Variants in DECR1 observed in about 807,000 individuals in gnomAD.
DECR1 encodes 2,4-dienoyl-CoA reductase 1.
In DECR1, 44 loss-of-function variants were observed where a neutral mutation model predicts 38.8. The ratio of observed to expected loss-of-function variants is 1.13; its 90% CI spans 0.89 to 1.46. The LOEUF (loss-of-function observed/expected upper bound fraction) is 1.46. Among genes scored for constraint, DECR1 ranks in the 40% most tolerant of loss-of-function variants. The pLI is 0.00. For synonymous variants in DECR1, 148 were observed against 135.2 expected (o/e 1.09, Z -0.66); for missense variants, 428 against 405.5 (o/e 1.06, Z -0.48).
chr8:90,004,962 A>G (rs1199573025), intron 1 of DECR1, among the ~76,000 whole-genome samples: 1 of 152,228 alleles, frequency 6.6e-6, no homozygotes, highest in Admixed American at 6.5e-5. Flanking sequence ...GCAGATGTGT[A>G]TTATAATGCA....
intron 8 of DECR1, among the ~76,000 whole-genome samples, chr8:90,050,136 A>C (rs975497281): frequency 6.6e-6 from 1 of 152,218 alleles, no homozygotes; most frequent in Non-Finnish European, 1.5e-5. Context: ...TCATGACTAA[A>C]ACACCAAAAG....
chr8:90,044,899 T>C lies in DECR1; in HGVS notation c.789T>C (p.Ile263=). The C allele has an allele frequency of 6.2e-7, 1 of 1,613,472 alleles. No individual in the cohort carries two copies. The highest frequency in any genetic ancestry group is 8.5e-7 in the Non-Finnish European group (1 of 1,179,564). ...DPTGTFEKEM[I]GRIPCGRLGT... ...CTGGAACATTTGAGAAAGAAATGATTGGCAGAATTCCCTGTGGTCGCCTGG... is the reference window on the plus strand; with the variant it reads ...CTGGAACATTTGAGAAAGAAATGATCGGCAGAATTCCCTGTGGTCGCCTGG... Residue 263 remains isoleucine, a synonymous_variant, in exon 8 of 10, where the codon ATT becomes ATC. Transcript: ENST00000220764.
chr8:90,021,360 GA>G (rs1312972631), intron 5 of DECR1, among the ~76,000 whole-genome samples: 4 of 152,160 alleles, frequency 2.6e-5, no homozygotes, highest in Admixed American at 2.0e-4. Context: ...GGAGAAAGAG[GA>G]GGGAAAGGAC....
intron 5 of DECR1, among the ~76,000 whole-genome samples, chr8:90,028,198 AG>A (rs1303127274): frequency 6.6e-6 from 1 of 152,140 alleles, no homozygotes; most frequent in African/African-American, 2.4e-5. Context: ...ATCCAACAAA[AG>A]CCTCTTGTGC....
intron 5 of DECR1, among the ~76,000 whole-genome samples, chr8:90,034,627 T>A (rs982381918): frequency 3.3e-5 from 5 of 152,172 alleles, no homozygotes; most frequent in African/African-American, 1.2e-4. Flanking sequence ...AATTTTTGTA[T>A]TTTTAGTACA....
At chr8:90,005,144 T>C in intron 1 of DECR1, 1 of 335,222 alleles carries the variant, frequency 3.0e-6, no homozygotes, top group Non-Finnish European at 5.9e-6. Context: ...TTTATAAAAA[T>C]TCAAGTGGTT....
At chr8:90,027,171 T>A (rs1813369052) in intron 5 of DECR1, among the ~76,000 whole-genome samples, 1 of 152,210 alleles carries the variant, frequency 6.6e-6, no homozygotes, top group African/African-American at 2.4e-5. Flanking sequence ...ATAAGTGAGA[T>A]GTGGTACTGA....
At chr8:90,004,116 A>G (rs553570668) in intron 1 of DECR1, among the ~76,000 whole-genome samples, 1 of 152,264 alleles carries the variant, frequency 6.6e-6, no homozygotes, top group Non-Finnish European at 1.5e-5. Flanking sequence ...TATCAAGAGT[A>G]ATAACTATCC....
At chr8:90,015,813 C>T (rs1272509415) in intron 1 of DECR1, 2 of 303,056 alleles carry the variant, frequency 6.6e-6, no homozygotes, top group Non-Finnish European at 1.3e-5. Context: ...AGAGAAGGCT[C>T]TGGAGCCTGT....
chr8:90,010,291 G>A (rs994429257), intron 1 of DECR1, among the ~76,000 whole-genome samples: 4 of 152,212 alleles, frequency 2.6e-5, no homozygotes, highest in African/African-American at 9.6e-5. Flanking sequence ...CAGGGCAACT[G>A]TTGGCATTTG....
intron 1 of DECR1, among the ~76,000 whole-genome samples, chr8:90,011,760 C>G (rs1812887738): frequency 6.6e-6 from 1 of 152,030 alleles, no homozygotes. Context: ...GATCATAGCT[C>G]CTTCTCCCCC....
chr8:90,019,226 C>A, intron 4 of DECR1, 54 bp downstream of exon 4: 3 of 1,348,810 alleles, frequency 2.2e-6, no homozygotes, highest in Non-Finnish European at 3.2e-6. Context: ...TTGATAACAC[C>A]CACCAACATG....
At chr8:90,023,590 T>C (rs927261250) in intron 5 of DECR1, among the ~76,000 whole-genome samples, 1 of 152,108 alleles carries the variant, frequency 6.6e-6, no homozygotes, top group Admixed American at 6.6e-5. Flanking sequence ...ACAAATCAAA[T>C]ACATTTCCTC....
In DECR1 at chr8:90,022,497, TG is replaced by T. The variant is rs1162959066; in HGVS notation, c.565+1442del. ...GATTTTGGATAAGTGTTTTATTTGA[TG>T]TTTTTTTTTTCAGTGAGGGGCAGGA... On this transcript the variant is annotated intron_variant, in intron 5 of 9. Coordinates refer to ENST00000220764, the MANE Select transcript of DECR1 (RefSeq NM_001359.2). Among the ~76,000 whole-genome samples the T allele has an allele frequency of 5.3e-5, 8 of 152,070 alleles. No homozygotes were observed. In the East Asian group the frequency reaches 1.2e-3, roughly 22 times the overall value.
intron 1 of DECR1, among the ~76,000 whole-genome samples, chr8:90,010,591 A>G (rs1805859): frequency 1.3e-5 from 2 of 152,222 alleles, no homozygotes; most frequent in Non-Finnish European, 2.9e-5. Flanking sequence ...CCTTTGAAAA[A>G]TATGGTTGTC....
intron 5 of DECR1, among the ~76,000 whole-genome samples, chr8:90,025,856 G>T (rs1259916242): frequency 6.6e-6 from 1 of 152,106 alleles, no homozygotes; most frequent in Non-Finnish European, 1.5e-5. Context: ...TTGGCTCTGG[G>T]TTTGTCATAA....
intron 2 of DECR1, 98 bp from the exon 3 acceptor site, chr8:90,018,811 C>A (rs1813073667): frequency 2.1e-6 from 2 of 960,354 alleles, no homozygotes; most frequent in African/African-American, 1.6e-5. Flanking sequence ...TCTATACTTT[C>A]TCAGAAATGC....
intron 1 of DECR1, among the ~76,000 whole-genome samples, chr8:90,013,399 G>GTTTTTTTTTTTTTTTTTTTTTTT (rs57505716): frequency 3.8e-5 from 3 of 77,984 alleles, no homozygotes; most frequent in African/African-American, 5.0e-5. Context: ...CTCTTCTTTC[G>GTTTTTTTTTTTTTTTTTTTTTTT]TTTTTTTTTT....
rs113559144 is a variant in DECR1 at position 90,040,463 on chromosome 8, T to C, written c.666-2265T>C. Among the ~76,000 whole-genome samples, 384 of 152,290 alleles carry C rather than the reference T, an allele frequency of 2.5e-3. 3 individuals carry two copies. The highest frequency in any genetic ancestry group is 8.1e-3 in the African/African-American group (336 of 41,568). On this transcript the variant is annotated intron_variant, in intron 6 of 9. Coordinates refer to ENST00000220764, the MANE Select transcript of DECR1 (RefSeq NM_001359.2). Reference sequence around the variant, plus strand: ...GACTATTAACGGATGTCTGATAGTTTCATAGAACTTAGCGCATTTTTAAAA... The same window carrying C: ...GACTATTAACGGATGTCTGATAGTTCCATAGAACTTAGCGCATTTTTAAAA...
Sources: allele counts gnomAD v4.1 joint callset (sites outside exome capture counted in the v4.1 genomes callset), GRCh38; gene constraint gnomAD v4.1.1; transcripts MANE v1.5; gene names NCBI Gene and HGNC (gene_info 2026-07-23, HGNC 2026-07-21).